The following NUDCD3 variants were observed in gnomAD, a reference collection of about 807,000 sequenced individuals.
NUDCD3 encodes the protein nudC domain-containing protein 3.
A neutral mutation model predicts 39.7 loss-of-function variants in NUDCD3; 13 were observed. That is an observed-to-expected ratio of 0.33 (90% confidence interval 0.21 to 0.52). The LOEUF is 0.52. Among genes scored for constraint, NUDCD3 ranks in the 20% least tolerant of loss-of-function variants. The pLI is 0.96. For missense variants in NUDCD3, 453 were observed against 458.1 expected (o/e 0.99, Z 0.10); for synonymous variants, 175 against 172.4 (o/e 1.02, Z -0.12).
intron 5 of NUDCD3, among the ~76,000 whole-genome samples, chr7:44,392,038 A>G (rs2116860310): frequency 6.6e-6 from 1 of 152,310 alleles, no homozygotes; most frequent in East Asian, 1.9e-4. Flanking sequence ...GGCAGATCTC[A>G]TGACACCCTT....
At chr7:44,480,165 G>T (rs1020831009) in intron 2 of NUDCD3, among the ~76,000 whole-genome samples, 1 of 152,138 alleles carries the variant, frequency 6.6e-6, no homozygotes, top group African/African-American at 2.4e-5. Context: ...AAAATTCACT[G>T]GTTCAAGAAT....
chr7:44,423,150 TAAG>T, intron 3 of NUDCD3, among the ~76,000 whole-genome samples: 1 of 152,190 alleles, frequency 6.6e-6, no homozygotes, highest in South Asian at 2.1e-4. Flanking sequence ...CTCAAAATAA[TAAG>T]AGCTATTTAT....
intron 3 of NUDCD3, among the ~76,000 whole-genome samples, chr7:44,408,939 G>C (rs1798875764): frequency 6.6e-6 from 1 of 152,192 alleles, no homozygotes; most frequent in Admixed American, 6.5e-5. Context: ...TTGCAAGACT[G>C]ACTGACTGTT....
At chr7:44,444,717 G>A (rs573506147) in intron 2 of NUDCD3, among the ~76,000 whole-genome samples, 42 of 152,232 alleles carry the variant, frequency 2.8e-4, no homozygotes, top group African/African-American at 9.4e-4. Context: ...ACCCTGTGCC[G>A]TAAGTATCAC....
At chr7:44,478,416 GGTGGCAGGCACCT>G (rs1432668076) in intron 2 of NUDCD3, among the ~76,000 whole-genome samples, 2 of 152,300 alleles carry the variant, frequency 1.3e-5, no homozygotes, top group Admixed American at 6.5e-5. Flanking sequence ...AGCCAGGCAT[GGTGGCAGGCACCT>G]GCACTCCCAG....
At chr7:44,490,340 G>C in intron 1 of NUDCD3, 69 bp downstream of exon 1, 2 of 1,383,180 alleles carry the variant, frequency 1.4e-6, no homozygotes, top group South Asian at 1.5e-5. Context: ...GAGCTTGGAG[G>C]AGCGGGCGCC....
At chr7:44,442,389 A>T (rs6963916) in intron 2 of NUDCD3, among the ~76,000 whole-genome samples, 6,012 of 152,248 alleles carry the variant, frequency 0.039, 372 homozygotes, top group African/African-American at 0.13. Flanking sequence ...ATGCCAAAAG[A>T]AGTAGTTCCA....
chr7:44,422,420 A>G (rs563295151), intron 3 of NUDCD3, among the ~76,000 whole-genome samples: 2 of 152,320 alleles, frequency 1.3e-5, no homozygotes, highest in East Asian at 3.9e-4. Context: ...GAAGATAAGA[A>G]TCAAATATAC....
chr7:44,481,814 T>C (rs972975655), intron 2 of NUDCD3, among the ~76,000 whole-genome samples: 1 of 152,198 alleles, frequency 6.6e-6, no homozygotes, highest in East Asian at 1.9e-4. Context: ...GGATGAGTAC[T>C]TTGGGAGGTG....
At chr7:44,411,258 C>T (rs1170314736) in intron 3 of NUDCD3, among the ~76,000 whole-genome samples, 1 of 150,182 alleles carries the variant, frequency 6.7e-6, no homozygotes, top group Non-Finnish European at 1.5e-5. Context: ...CCACAAGCAG[C>T]CAAAGCAAAA....
intron 3 of NUDCD3, among the ~76,000 whole-genome samples, chr7:44,416,627 C>T (rs898675827): frequency 6.6e-6 from 1 of 152,154 alleles, no homozygotes; most frequent in Non-Finnish European, 1.5e-5. Context: ...AGGCAGGTCA[C>T]CAGTACAAAT....
intron 1 of NUDCD3, among the ~76,000 whole-genome samples, chr7:44,486,112 G>C (rs1003624755): frequency 2.6e-5 from 4 of 152,224 alleles, no homozygotes; most frequent in African/African-American, 9.7e-5. Context: ...CTTCCACAGG[G>C]AACCACTGGA....
intron 3 of NUDCD3, among the ~76,000 whole-genome samples, chr7:44,426,482 T>C (rs1799237756): frequency 6.6e-6 from 1 of 151,968 alleles, no homozygotes. Flanking sequence ...ATGCCACCTA[T>C]GTGAATGGAG....
intron 4 of NUDCD3, among the ~76,000 whole-genome samples, chr7:44,399,104 G>A (rs562714323): frequency 2.6e-5 from 4 of 152,326 alleles, no homozygotes; most frequent in East Asian, 3.9e-4. Context: ...GCCGAGCTGC[G>A]TTCCTTTCCT....
chr7:44,419,694 T>C lies in NUDCD3; in HGVS notation c.642+7877A>G, dbSNP rs563426602. Among the ~76,000 whole-genome samples, 7 of 152,276 alleles carry C rather than the reference T, an allele frequency of 4.6e-5. No homozygotes were observed. The South Asian group carries it at 1.2e-3, about 27-fold the overall frequency. On this transcript the variant is annotated intron_variant, in intron 3 of 5. Transcript: ENST00000355451. ...GCTGTTCTGCAGCCTCCACTGGTGATACCCAGGCAAACAGGGTCTGGAGTG... is the reference window on the plus strand; with the variant it reads ...GCTGTTCTGCAGCCTCCACTGGTGACACCCAGGCAAACAGGGTCTGGAGTG...
At chr7:44,467,526 G>C (rs1800143628) in intron 2 of NUDCD3, among the ~76,000 whole-genome samples, 1 of 152,114 alleles carries the variant, frequency 6.6e-6, no homozygotes. Flanking sequence ...CAGATCAAGG[G>C]ACAAGTCAGA....
intron 3 of NUDCD3, among the ~76,000 whole-genome samples, chr7:44,424,582 A>C (rs1379562839): frequency 6.6e-6 from 1 of 152,238 alleles, no homozygotes; most frequent in African/African-American, 2.4e-5. Flanking sequence ...TAAAAACCAC[A>C]ACGAGATACC....
intron 2 of NUDCD3, among the ~76,000 whole-genome samples, chr7:44,445,790 A>G (rs1799680752): frequency 6.6e-6 from 1 of 152,228 alleles, no homozygotes; most frequent in African/African-American, 2.4e-5. Context: ...AAAGTGAAAA[A>G]CCAAGGCAAA....
At chr7:44,445,716 G>A (rs185787702) in intron 2 of NUDCD3, among the ~76,000 whole-genome samples, 1 of 152,320 alleles carries the variant, frequency 6.6e-6, no homozygotes, top group African/African-American at 2.4e-5. Context: ...ACACTGCATG[G>A]AAATCCGTTA....
Sources: allele counts gnomAD v4.1 joint callset (sites outside exome capture counted in the v4.1 genomes callset), GRCh38; gene constraint gnomAD v4.1.1; transcripts MANE v1.5; gene names NCBI Gene and HGNC (gene_info 2026-07-23, HGNC 2026-07-21).